MTREX: variants seen among roughly 807,000 people sequenced by gnomAD.
MTREX encodes the protein exosome RNA helicase MTR4.
In MTREX, 76 loss-of-function variants were observed where a neutral mutation model predicts 135.4. That is an observed-to-expected ratio of 0.56 (90% CI 0.47 to 0.68). MTREX has a LOEUF of 0.68. MTREX is among the 30% of genes least tolerant of loss of function. The pLI, the probability that MTREX is intolerant of heterozygous loss-of-function variation, is 0.00. For missense variants in MTREX, 920 were observed against 1,262.1 expected (o/e 0.73, Z 4.11); for synonymous variants, 404 against 401.6 (o/e 1.01, Z -0.07).
At chr5:55,324,263 A>G (rs1188273113) in intron 3 of MTREX, 65 bp downstream of exon 3, 5 of 1,139,790 alleles carry the variant, frequency 4.4e-6, no homozygotes, top group East Asian at 2.5e-5. Context: ...ACTATCTAGT[A>G]TGATGATCAG....
intron 15 of MTREX, among the ~76,000 whole-genome samples, chr5:55,364,052 G>T (rs1046566979): frequency 1.5e-4 from 23 of 152,174 alleles, no homozygotes; most frequent in African/African-American, 5.5e-4. Context: ...TGTGGTCTAA[G>T]GCTTTATGGA....
chr5:55,320,420 T>A (rs1336981645), intron 1 of MTREX, among the ~76,000 whole-genome samples: 1 of 152,098 alleles, frequency 6.6e-6, no homozygotes, highest in Non-Finnish European at 1.5e-5. Flanking sequence ...GGTTTCACCG[T>A]GTTAGCCAGG....
chr5:55,381,292 G>A (rs1387350726), intron 18 of MTREX, among the ~76,000 whole-genome samples: 1 of 151,806 alleles, frequency 6.6e-6, no homozygotes, highest in Non-Finnish European at 1.5e-5. Flanking sequence ...TCTGGCTACA[G>A]GTTCAGTTTA....
rs374489579 is a variant in MTREX, at chr5:55,377,179, T to C, written c.1811-1135T>C. The stretch of plus-strand genomic sequence containing the variant: ...CCGTCCCTACTAAAAATACAAAAAT[T>C]AGCTGGGCATGGTAGCGGGCGCCTG... On this transcript the variant is annotated intron_variant, in intron 16 of 26. Coordinates refer to ENST00000230640, the MANE Select transcript of MTREX (RefSeq NM_015360.5). Among the ~76,000 whole-genome samples the C allele has an allele frequency of 1.8e-4, 27 of 152,096 alleles. No homozygotes were observed. The South Asian group carries it at 5.0e-3, about 28-fold the overall frequency.
At chr5:55,385,618 G>A (rs1044905279) in intron 18 of MTREX, among the ~76,000 whole-genome samples, 6 of 152,190 alleles carry the variant, frequency 3.9e-5, no homozygotes, top group South Asian at 2.1e-4. Context: ...CTGAATTTTA[G>A]ATTTTTTTTT....
intron 19 of MTREX, among the ~76,000 whole-genome samples, chr5:55,394,006 C>G (rs1014231600): frequency 6.6e-6 from 1 of 152,076 alleles, no homozygotes; most frequent in Non-Finnish European, 1.5e-5. Flanking sequence ...GTTAGTTGAC[C>G]ATTTCTTGGA....
chr5:55,412,482 T>C (rs150370126), intron 23 of MTREX, among the ~76,000 whole-genome samples: 1 of 152,288 alleles, frequency 6.6e-6, no homozygotes, highest in Admixed American at 6.5e-5. Context: ...GATACTTACA[T>C]GTTAGTGGAT....
At chr5:55,376,916 C>A (rs1309405701) in intron 16 of MTREX, among the ~76,000 whole-genome samples, 1 of 151,620 alleles carries the variant, frequency 6.6e-6, no homozygotes, top group Non-Finnish European at 1.5e-5. Context: ...ACTAAAAATA[C>A]AAGAATTAGC....
chr5:55,354,703 C>T (rs1311873071), intron 14 of MTREX, among the ~76,000 whole-genome samples: 2 of 152,168 alleles, frequency 1.3e-5, no homozygotes, highest in African/African-American at 4.8e-5. Flanking sequence ...CTGAGTAGAG[C>T]TGCTGAGTGG....
At chr5:55,358,197 A>G (rs41400646) in intron 14 of MTREX, among the ~76,000 whole-genome samples, 21,382 of 152,154 alleles carry the variant, frequency 0.14, 1,900 homozygotes, top group East Asian at 0.26. Flanking sequence ...GAATTAGCCA[A>G]TATTTCCCAG....
chr5:55,329,364 CAG>C (rs1055928363), intron 5 of MTREX: 5 of 151,620 alleles, frequency 3.3e-5, no homozygotes, highest in African/African-American at 1.2e-4. Flanking sequence ...AGAGGCAACA[CAG>C]AGTCTCAAAC....
In MTREX at chr5:55,343,456, G is replaced by A; in HGVS notation, c.906+1G>A. The stretch of plus-strand genomic sequence containing the variant: ...ATGGATTTGCCATTTACATAAACAG[G>A]TATTTTTTCCTCCTTTTTTGATGTC... On this transcript the variant is annotated splice_donor_variant, in intron 8 of 26. Transcript: ENST00000230640. LOFTEE classifies it high-confidence loss of function. The A allele has an allele frequency of 6.2e-7, 1 of 1,610,152 alleles. No individual in the cohort carries two copies. Among genetic ancestry groups the A allele is most frequent in the Non-Finnish European group, 8.5e-7 (1 of 1,178,724 alleles).
At position 55,314,405 on chromosome 5, in the gene MTREX, T is replaced by C. The variant is rs537711219; in HGVS notation, c.134+6258T>C. 9.8e-5 allele frequency among the ~76,000 whole-genome samples: 15 copies of C among 152,298 alleles called. No individual in the cohort carries two copies. The East Asian group carries it at 2.9e-3, about 29-fold the overall frequency. On this transcript the variant is annotated intron_variant, in intron 1 of 26. Coordinates refer to ENST00000230640, the MANE Select transcript of MTREX (RefSeq NM_015360.5). ...CTTGAGGTGGAGAGAGAATTCTGGA[T>C]CATCCAGTTGGGACCGAAGTAATAA...
chr5:55,384,400 A>G (rs191840917), intron 18 of MTREX, among the ~76,000 whole-genome samples: 9 of 152,332 alleles, frequency 5.9e-5, no homozygotes, highest in Admixed American at 2.0e-4. Context: ...TCTGTTTGAT[A>G]CAACATTGTT....
At chr5:55,395,229 A>G (rs942748419) in intron 19 of MTREX, among the ~76,000 whole-genome samples, 1 of 151,910 alleles carries the variant, frequency 6.6e-6, no homozygotes, top group Non-Finnish European at 1.5e-5. Flanking sequence ...AACATGGCGA[A>G]ACCCCGTCTC....
intron 3 of MTREX, chr5:55,324,521 T>G (rs187320582): frequency 2.1e-3 from 279 of 133,804 alleles, no homozygotes; most frequent in Admixed American, 7.0e-3. Flanking sequence ...AATCTCGGCT[T>G]ACTGCAACCT....
At chr5:55,412,573 T>A (rs1203097603) in intron 23 of MTREX, among the ~76,000 whole-genome samples, 2 of 152,152 alleles carry the variant, frequency 1.3e-5, no homozygotes, top group Non-Finnish European at 2.9e-5. Flanking sequence ...GAATCAAAGA[T>A]CACTGGGGAG....
chr5:55,391,910 G>A (rs1750573370), intron 19 of MTREX, among the ~76,000 whole-genome samples: 1 of 152,144 alleles, frequency 6.6e-6, no homozygotes, highest in Admixed American at 6.5e-5. Context: ...TGGAAGGTCA[G>A]GACTTAAATA....
At chr5:55,351,616 G>A (rs10078550) in intron 13 of MTREX, among the ~76,000 whole-genome samples, 21,299 of 152,052 alleles carry the variant, frequency 0.14, 1,879 homozygotes, top group East Asian at 0.26. Flanking sequence ...TACTAAACCC[G>A]GGGTTGTAAA....
Sources: allele counts gnomAD v4.1 joint callset (sites outside exome capture counted in the v4.1 genomes callset), GRCh38; gene constraint gnomAD v4.1.1; transcripts MANE v1.5; gene names NCBI Gene and HGNC (gene_info 2026-07-23, HGNC 2026-07-21).